The following CABLES2 variants were observed in gnomAD, a reference collection of about 807,000 sequenced individuals.
The protein encoded by CABLES2 is Cdk5 and Abl enzyme substrate 2.
In CABLES2, 35 loss-of-function variants were observed where a neutral mutation model predicts 44.8. The ratio of observed to expected loss-of-function variants is 0.78; its 90% CI spans 0.60 to 1.04. CABLES2 has a LOEUF of 1.04. Ranked by LOEUF, CABLES2 falls within the 50% of genes least tolerant of loss-of-function variation. CABLES2 has a pLI of 0.00. For synonymous variants in CABLES2, 282 were observed against 281.1 expected (o/e 1.00, Z -0.03); for missense variants, 566 against 615.7 (o/e 0.92, Z 0.85).
intron 1 of CABLES2, among the ~76,000 whole-genome samples, chr20:62,397,199 C>T (rs1322194059): frequency 1.3e-5 from 2 of 152,174 alleles, no homozygotes; most frequent in African/African-American, 4.8e-5. Context: ...TCTTTCTGAA[C>T]TTTTTGGCTC....
intron 1 of CABLES2, among the ~76,000 whole-genome samples, chr20:62,397,221 G>A (rs1288043634): frequency 2.0e-5 from 3 of 152,256 alleles, no homozygotes; most frequent in East Asian, 3.9e-4. Flanking sequence ...TAGGTGGCCC[G>A]CTGAGGGAGG....
chr20:62,395,556 G>GAA (rs1482000444), intron 3 of CABLES2, among the ~76,000 whole-genome samples: 1 of 152,228 alleles, frequency 6.6e-6, no homozygotes, highest in Non-Finnish European at 1.5e-5. Flanking sequence ...AGCACAGGCA[G>GAA]AAGCCACTGT....
Position 62,390,839 on chromosome 20 carries a change from A to C in CABLES2, c.*132T>G, listed in dbSNP as rs186661638. 9.5e-7 allele frequency: 1 copy of C among 1,054,570 alleles called. No individual in the cohort carries two copies. 65.3% of individuals were successfully genotyped at this position (1,054,570 alleles called of 1,614,324 possible). On this transcript the variant is annotated 3_prime_UTR_variant, in exon 10 of 10. Coordinates refer to ENST00000279101, the MANE Select transcript of CABLES2 (RefSeq NM_031215.3). The stretch of plus-strand genomic sequence containing the variant: ...GCAAAGAGGCAAAAAGGAAAGCTGC[A>C]CCAGCGGAGGCCAGGTGCCTCCTGC...
chr20:62,396,326 G>T lies in CABLES2; in HGVS notation c.516C>A (p.Thr172=), dbSNP rs770475606. ...GCTCCGCTTCATACCTGCTGTTCCT[G>T]GTGTCGTACTGCCTCATGTTCTTGA... is the stretch of plus-strand genomic sequence containing the variant. The part of the protein sequence containing the change: ...HFIKNMRQYD[T]RNSRIVLICA... The change falls in exon 3 of 10, where the codon ACC becomes ACA. Residue 172 remains threonine, a synonymous_variant. Transcript: ENST00000279101. This position sits in a 1 kb window ranked among gnomAD's most constrained non-coding sequence, Gnocchi z 5.7. 1.5e-5 allele frequency: 25 copies of T among 1,613,582 alleles called. No homozygotes were observed. The highest frequency in any genetic ancestry group is 1.9e-5 in the Non-Finnish European group (23 of 1,179,754).
intron 1 of CABLES2, among the ~76,000 whole-genome samples, chr20:62,401,057 G>A (rs1296291172): frequency 1.3e-5 from 2 of 152,230 alleles, no homozygotes; most frequent in Non-Finnish European, 2.9e-5. Flanking sequence ...AAGAGACAGA[G>A]TGGGGACCTG....
intron 3 of CABLES2, 121 bp from the exon 4 acceptor site, chr20:62,395,135 A>C (rs1301926679): frequency 6.2e-6 from 5 of 808,316 alleles, no homozygotes; most frequent in Admixed American, 2.1e-5. Flanking sequence ...GTGCTGGGAA[A>C]CTGCCCATGC....
At chr20:62,401,981 G>C (rs1216015344) in intron 1 of CABLES2, among the ~76,000 whole-genome samples, 2 of 152,230 alleles carry the variant, frequency 1.3e-5, no homozygotes, top group Non-Finnish European at 2.9e-5. Context: ...TGGGGCAAAT[G>C]CAAGTTCTGC....
intron 1 of CABLES2, among the ~76,000 whole-genome samples, chr20:62,397,921 T>A: frequency 8.8e-6 from 1 of 113,884 alleles, no homozygotes; most frequent in Non-Finnish European, 1.8e-5. Context: ...ATGGCAGTGG[T>A]GATGGTGGTG....
chr20:62,392,456 T>G lies in CABLES2; in HGVS notation c.1024A>C (p.Lys342Gln). 6.2e-7 allele frequency: 1 copy of G among 1,614,046 alleles called. No individual in the cohort carries two copies. ...TCCCTGAAGGTCTCGTTCATGTCCT[T>G]TTTGAGGTCTGAGGGCTTCACGTAT... The part of the protein sequence containing the change: ...IEYVKPSDLK[K>Q]DMNETFREKF... Residue 342 changes from lysine (K) to glutamine (Q), a missense_variant, in exon 8 of 10, where the codon AAG (lysine) becomes CAG (glutamine). Physicochemically the swap from Lys to Gln is moderately conservative, Grantham distance 53. Coordinates refer to ENST00000279101, the MANE Select transcript of CABLES2 (RefSeq NM_031215.3).
intron 1 of CABLES2, among the ~76,000 whole-genome samples, chr20:62,400,241 G>A (rs1429491866): frequency 6.7e-6 from 1 of 149,790 alleles, no homozygotes; most frequent in East Asian, 2.0e-4. Flanking sequence ...AAGGGCTGGG[G>A]ATGCGGTGGG....
At chr20:62,394,413 G>A (rs555587128) in intron 4 of CABLES2, 148 bp from the exon 5 acceptor site, 19 of 639,112 alleles carry the variant, frequency 3.0e-5, no homozygotes, top group African/African-American at 2.5e-4. Context: ...GTGTGACCAG[G>A]AAGGCGCACG....
At chr20:62,398,237 GTGA>G (rs1222212533) in intron 1 of CABLES2, among the ~76,000 whole-genome samples, 8 of 134,482 alleles carry the variant, frequency 5.9e-5, no homozygotes, top group Non-Finnish European at 9.6e-5. Flanking sequence ...GGTGACGGTG[GTGA>G]TGATGGTGAT....
chr20:62,394,377 C>G, intron 4 of CABLES2, 112 bp from the exon 5 acceptor site: 1 of 778,972 alleles, frequency 1.3e-6, no homozygotes, highest in African/African-American at 1.7e-5. Flanking sequence ...GTCAGCACAG[C>G]CCCTCGGGAA....
In CABLES2 at chr20:62,390,909, G is replaced by A. The variant is rs1987902953; in HGVS notation, c.*62C>T. On this transcript the variant is annotated 3_prime_UTR_variant, in exon 10 of 10. Coordinates refer to ENST00000279101, the MANE Select transcript of CABLES2 (RefSeq NM_031215.3). ...TGGCAGGAGGAGGCGCGGGGCTTCA[G>A]TGGGACACCTCCCAGGCCGGCAAGT... 1 of 1,595,842 alleles carries A rather than the reference G, an allele frequency of 6.3e-7. No individual in the cohort carries two copies. Among genetic ancestry groups the A allele is most frequent in the Non-Finnish European group, 8.6e-7 (1 of 1,166,000 alleles).
Position 62,407,217 on chromosome 20 carries a change from CG to C in CABLES2, c.59del (p.Pro20ArgfsTer139). 4 of 950,788 alleles carry C rather than the reference CG, an allele frequency of 4.2e-6. No homozygotes were observed. The highest frequency in any genetic ancestry group is 3.7e-6 in the Non-Finnish European group (3 of 804,388). The allele number at this position is 950,788 out of a possible 1,614,324, so 58.9% of individuals were successfully genotyped here. A position where few individuals can be genotyped will look rare whatever the true frequency, so the allele number is the denominator to read the frequency against. The stretch of plus-strand genomic sequence containing the variant: ...CGGCCGAGGTCGGCGCGGCGGGTGG[CG>C]GGGGCCCGGCGGGGCCGGGGGCCGG... ...PGPAPGPAGP[P>X]PPAAPTSAAR... On this transcript the variant is annotated frameshift_variant, in exon 1 of 10. Coordinates refer to ENST00000279101, the MANE Select transcript of CABLES2 (RefSeq NM_031215.3). LOFTEE classifies it high-confidence loss of function.
chr20:62,399,543 G>A (rs1209376082), intron 1 of CABLES2, among the ~76,000 whole-genome samples: 3 of 140,982 alleles, frequency 2.1e-5, no homozygotes, highest in Non-Finnish European at 3.1e-5. Flanking sequence ...CACCACGCCC[G>A]GCCTGTTTTT....
Position 62,391,752 on chromosome 20 carries a change from G to T in CABLES2, c.1092-299C>A, listed in dbSNP as rs956937332. 2.0e-5 allele frequency among the ~76,000 whole-genome samples: 3 copies of T among 150,808 alleles called. No individual in the cohort carries two copies. Among genetic ancestry groups the T allele is most frequent in the Non-Finnish European group, 4.4e-5 (3 of 67,622 alleles). On this transcript the variant is annotated intron_variant, in intron 8 of 9. Transcript: ENST00000279101. The surrounding 1 kb of genome is among the most constrained non-coding windows in gnomAD (Gnocchi z 5.7). ...GAGGACAGGCTCTGCTCTCGGTGGG[G>T]GGCAGTGGTCTCTGATGAGGGGTGG...
intron 5 of CABLES2, 139 bp downstream of exon 5, chr20:62,394,018 C>T (rs112247456): frequency 1.7e-4 from 120 of 717,320 alleles, no homozygotes; most frequent in African/African-American, 1.5e-3. Context: ...TGCACGGGCC[C>T]GCATCCACTC....
intron 1 of CABLES2, chr20:62,402,141 T>G (rs7271881): frequency 0.64 from 98,001 of 152,046 alleles, 34,178 homozygotes; most frequent in African/African-American, 0.91. Flanking sequence ...CAGTGGGGAG[T>G]CTGCCCCCCC....
Sources: allele counts gnomAD v4.1 joint callset (sites outside exome capture counted in the v4.1 genomes callset), GRCh38; gene constraint gnomAD v4.1.1; non-coding constraint Gnocchi (gnomAD v3.1); transcripts MANE v1.5; gene names NCBI Gene and HGNC (gene_info 2026-07-23, HGNC 2026-07-21).